The following ITGA11 variants were observed in gnomAD, a reference collection of about 807,000 sequenced individuals.
The protein encoded by ITGA11 is integrin subunit alpha 11.
A neutral mutation model predicts 141.9 loss-of-function variants in ITGA11; 97 were observed. The observed-to-expected ratio is 0.68, with a 90% CI of 0.58 to 0.81. The LOEUF (loss-of-function observed/expected upper bound fraction) is 0.81, where lower values mean the gene tolerates loss of function less well. Ranked by LOEUF, ITGA11 falls within the 30% of genes least tolerant of loss-of-function variation. The probability of loss-of-function intolerance (pLI) is 0.00; values close to 1 mark genes in which losing one functional copy is unlikely to be tolerated. For synonymous variants in ITGA11, 658 were observed against 624.6 expected (o/e 1.05, Z -0.80); for missense variants, 1,387 against 1,559.2 (o/e 0.89, Z 1.86).
At chr15:68,351,953 T>C (rs139160945) in intron 7 of ITGA11, among the ~76,000 whole-genome samples, 10 of 151,816 alleles carry the variant, frequency 6.6e-5, no homozygotes, top group Non-Finnish European at 1.3e-4. Context: ...TGTGTTGGCA[T>C]GCGCCTGTAA....
chr15:68,319,278 A>ACAC lies in ITGA11; in HGVS notation c.2616+904_2616+906dup, dbSNP rs1199241995. 4.6e-5 allele frequency among the ~76,000 whole-genome samples: 7 copies of ACAC among 152,142 alleles called. No individual in the cohort carries two copies. The South Asian group carries it at 1.0e-3, about 23-fold the overall frequency. ...CAGTTTCCTCCTCTGTAAAATGGGG[A>ACAC]CACCACCACCACCACTACCACCACT... On this transcript the variant is annotated intron_variant, in intron 20 of 29. Coordinates refer to ENST00000315757, the MANE Select transcript of ITGA11 (RefSeq NM_001004439.2).
At position 68,331,011 on chromosome 15, in the gene ITGA11, A is replaced by G. The variant is rs751621148; in HGVS notation, c.1871T>C (p.Val624Ala). 28 of 1,613,818 alleles carry G rather than the reference A, an allele frequency of 1.7e-5. No homozygotes were observed. In the Middle Eastern group the frequency reaches 4.9e-4, roughly 28 times the overall value. Residue 624 changes from valine (V) to alanine (A), a missense_variant, in exon 15 of 30, where the codon GTG (valine) becomes GCG (alanine). Physicochemically the swap from Val to Ala is moderately conservative, Grantham distance 64. Transcript: ENST00000315757. ...AATCACAGCGTTGCCAAGGGCTCCCACTGCCAGGTCGATGAGCCCATCCTC... is the reference window on the plus strand; with the variant it reads ...AATCACAGCGTTGCCAAGGGCTCCCGCTGCCAGGTCGATGAGCCCATCCTC... ...LNEDGLIDLA[V>A]GALGNAVILW...
At chr15:68,349,022 C>T (rs967248011) in intron 9 of ITGA11, 122 bp from the exon 10 acceptor site, 80 of 731,234 alleles carry the variant, frequency 1.1e-4, no homozygotes, top group Admixed American at 6.6e-4. Context: ...GGCTCTCTTT[C>T]GAGGGGGGGC....
chr15:68,307,304 C>T lies in ITGA11; in HGVS notation c.3381+44G>A. ...GGAGCACGGCCAACCCTTTCCCAAG[C>T]TGTCCGGCCTAAGCCCAGTTCTGCA... On this transcript the variant is annotated intron_variant, in intron 28 of 29. Transcript: ENST00000315757. This position sits in a 1 kb window ranked among gnomAD's most constrained non-coding sequence, Gnocchi z 6.1. The T allele has an allele frequency of 7.2e-7, 1 of 1,389,612 alleles. No individual in the cohort carries two copies. The highest frequency in any genetic ancestry group is 1.4e-5 in the African/African-American group (1 of 69,656). The allele number at this position is 1,389,612 out of a possible 1,614,324, so 86.1% of individuals were successfully genotyped here.
At chr15:68,319,182 G>A (rs1893706075) in intron 20 of ITGA11, among the ~76,000 whole-genome samples, 1 of 152,250 alleles carries the variant, frequency 6.6e-6, no homozygotes, top group Admixed American at 6.5e-5. Context: ...CGCCAGCTGT[G>A]GGGTGGGAAT....
At chr15:68,310,860 G>A (rs963748599) in intron 26 of ITGA11, 134 bp downstream of exon 26, 7 of 656,500 alleles carry the variant, frequency 1.1e-5, no homozygotes, top group African/African-American at 9.1e-5. Context: ...TTCTTGGTTT[G>A]GGGCTGGGTA....
intron 11 of ITGA11, among the ~76,000 whole-genome samples, chr15:68,339,253 G>A (rs1042553209): frequency 6.6e-6 from 1 of 152,174 alleles, no homozygotes; most frequent in Non-Finnish European, 1.5e-5. Context: ...AAGGGAGTGG[G>A]GAACTGCTTG....
rs1893169630 is a variant in ITGA11, at chr15:68,305,714, G to A, written c.3381+1634C>T. Among the ~76,000 whole-genome samples, 1 of 152,332 alleles carries A rather than the reference G, an allele frequency of 6.6e-6. No individual in the cohort carries two copies. Among genetic ancestry groups the A allele is most frequent in the Non-Finnish European group, 1.5e-5 (1 of 68,036 alleles). On this transcript the variant is annotated intron_variant, in intron 28 of 29. Transcript: ENST00000315757. This position sits in a 1 kb window ranked among gnomAD's most constrained non-coding sequence, Gnocchi z 4.6. ...GGGGGTGGGGACAGTGCCTCACAGT[G>A]TTGAGAGGTCTGTCACCATGTTCAG...
Position 68,326,768 on chromosome 15 carries a change from C to T in ITGA11, c.2097G>A (p.Glu699=), listed in dbSNP as rs1893987843. 1 of 1,581,834 alleles carries T rather than the reference C, an allele frequency of 6.3e-7. No individual in the cohort carries two copies. The highest frequency in any genetic ancestry group is 8.6e-7 in the Non-Finnish European group (1 of 1,163,480). The part of the protein sequence containing the change: ...VGIRYNATMD[E]RRYTPRAHLD... ...GGTGGGCCCTCGGTGTATACCGCCTCTCATCCATGGTGGCGTTGTATCTGA... is the reference window on the plus strand; with the variant it reads ...GGTGGGCCCTCGGTGTATACCGCCTTTCATCCATGGTGGCGTTGTATCTGA... Residue 699 remains glutamate, a synonymous_variant, in exon 17 of 30, where the codon GAG becomes GAA. Transcript: ENST00000315757. This position sits in a 1 kb window ranked among gnomAD's most constrained non-coding sequence, Gnocchi z 6.8.
chr15:68,399,871 G>T (rs1047856419), intron 2 of ITGA11, among the ~76,000 whole-genome samples: 2 of 152,004 alleles, frequency 1.3e-5, no homozygotes, highest in African/African-American at 2.4e-5. Flanking sequence ...CCTGGGTGAC[G>T]GGATCACTTG....
At chr15:68,416,945 T>C (rs1157759608) in intron 1 of ITGA11, among the ~76,000 whole-genome samples, 1 of 152,214 alleles carries the variant, frequency 6.6e-6, no homozygotes, top group African/African-American at 2.4e-5. Flanking sequence ...GGTCACAGTT[T>C]TTTATGAAAA....
intron 7 of ITGA11, among the ~76,000 whole-genome samples, chr15:68,352,357 T>A (rs1236416043): frequency 6.6e-6 from 1 of 151,850 alleles, no homozygotes; most frequent in Non-Finnish European, 1.5e-5. Flanking sequence ...CACGCTTGGT[T>A]AATTTTTGTA....
At chr15:68,401,362 A>T (rs541950750) in intron 2 of ITGA11, among the ~76,000 whole-genome samples, 88 of 152,138 alleles carry the variant, frequency 5.8e-4, no homozygotes, top group Non-Finnish European at 2.5e-4. Flanking sequence ...CGGAGTAAAA[A>T]CCCAATACAA....
In ITGA11 at chr15:68,328,348, C is replaced by T. The variant is rs892129021; in HGVS notation, c.1902-86G>A. 1.2e-5 allele frequency: 14 copies of T among 1,204,766 alleles called. 1 individual carries two copies. The African/African-American group carries it at 1.5e-4, about 13-fold the overall frequency. The allele number at this position is 1,204,766 out of a possible 1,614,324, so 74.6% of individuals were successfully genotyped here. A position where few individuals can be genotyped will look rare whatever the true frequency, so the allele number is the denominator to read the frequency against. The stretch of plus-strand genomic sequence containing the variant: ...CATGGGGAAAGACAAGAACCAGATG[C>T]GAGTGGGATCTGCAAAGCCACTGGA... On this transcript the variant is annotated intron_variant, in intron 15 of 29. Transcript: ENST00000315757. This position sits in a 1 kb window ranked among gnomAD's most constrained non-coding sequence, Gnocchi z 4.8.
In ITGA11 at chr15:68,304,519, C is replaced by T. The variant is rs528265174; in HGVS notation, c.3382-634G>A. Among the ~76,000 whole-genome samples the T allele has an allele frequency of 2.0e-5, 3 of 152,248 alleles. No individual in the cohort carries two copies. The highest frequency in any genetic ancestry group is 3.9e-4 in the East Asian group (2 of 5,186). ...GTCCCAAAGGCAAAAGTGGCCAGGG[C>T]GTGAAGGTCAGAAAGTAAGCCCAGG... On this transcript the variant is annotated intron_variant, in intron 28 of 29. Transcript: ENST00000315757. The surrounding 1 kb of genome is among the most constrained non-coding windows in gnomAD (Gnocchi z 6.1).
chr15:68,350,812 A>G, intron 8 of ITGA11, 30 bp from the exon 9 acceptor site: 3 of 1,596,990 alleles, frequency 1.9e-6, no homozygotes, highest in African/African-American at 1.3e-5. Flanking sequence ...GGAACCACAA[A>G]CCAGAACATA....
At chr15:68,377,472 C>A (rs962145517) in intron 2 of ITGA11, among the ~76,000 whole-genome samples, 8 of 77,550 alleles carry the variant, frequency 1.0e-4, no homozygotes, top group Middle Eastern at 0.015. Context: ...AGGGTTTCAC[C>A]ATTTGGCCAG....
chr15:68,383,761 C>A (rs1335255158), intron 2 of ITGA11, among the ~76,000 whole-genome samples: 1 of 152,194 alleles, frequency 6.6e-6, no homozygotes, highest in African/African-American at 2.4e-5. Context: ...TTATTCTCCA[C>A]CTCATGTGGA....
At chr15:68,418,088 T>C (rs946021425) in intron 1 of ITGA11, among the ~76,000 whole-genome samples, 1 of 152,164 alleles carries the variant, frequency 6.6e-6, no homozygotes, top group Non-Finnish European at 1.5e-5. Context: ...AAAACGACCA[T>C]GGTGGGAGGA....
Sources: allele counts gnomAD v4.1 joint callset (sites outside exome capture counted in the v4.1 genomes callset), GRCh38; gene constraint gnomAD v4.1.1; non-coding constraint Gnocchi (gnomAD v3.1); transcripts MANE v1.5; gene names NCBI Gene and HGNC (gene_info 2026-07-23, HGNC 2026-07-21).